The following ANXA4 variants were observed in gnomAD, a reference collection of about 807,000 sequenced individuals.
The protein encoded by ANXA4 is annexin A4.
ANXA4 carries 39 observed loss-of-function variants against 49.8 expected under a neutral mutation model. The ratio of observed to expected loss-of-function variants is 0.78; its 90% CI spans 0.61 to 1.02. ANXA4 has a LOEUF of 1.02. Among genes scored for constraint, ANXA4 ranks in the 50% least tolerant of loss-of-function variants. The pLI is 0.00. For synonymous variants in ANXA4, 134 were observed against 152.5 expected, an observed-to-expected ratio of 0.88 and a Z score of 0.89; for missense variants, 360 against 410.1, an observed-to-expected ratio of 0.88 and a Z score of 1.05.
chr2:69,681,690 G>A lies in ANXA4; in HGVS notation n.766+28408G>A, dbSNP rs532145713. ...CTTTTTCTTGGTTAGTCTAGCTAGC[G>A]ATTTATCAATTTTGCTTACTTTTTC... On this transcript the variant is annotated intron_variant and non_coding_transcript_variant, in intron 2 of 3. Transcript: ENST00000418066. 3.0e-4 allele frequency among the ~76,000 whole-genome samples: 46 copies of A among 152,090 alleles called. No homozygotes were observed. In the East Asian group the frequency reaches 7.2e-3, roughly 24 times the overall value.
At chr2:69,773,908 G>A (rs1671850583) in intron 1 of ANXA4, among the ~76,000 whole-genome samples, 1 of 151,840 alleles carries the variant, frequency 6.6e-6, no homozygotes, top group South Asian at 2.1e-4. Context: ...GGGATTACAG[G>A]CATGAGTCAC....
At chr2:69,814,743 G>GGTGTGTGTGTGTGTGTGTGT (rs754855168) in intron 8 of ANXA4, 1 of 123,636 alleles carries the variant, frequency 8.1e-6, no homozygotes, top group Non-Finnish European at 1.6e-5. Flanking sequence ...GACACAGAGG[G>GGTGTGTGTGTGTGTGTGTGT]GTGTGTGTGT....
rs5831985 is a variant in ANXA4, at chr2:69,826,780, T to TAAAAAA, written c.*1279_*1284dup. 8.1e-6 allele frequency: 1 copy of TAAAAAA among 123,202 alleles called. No individual in the cohort carries two copies. Among genetic ancestry groups the TAAAAAA allele is most frequent in the Non-Finnish European group, 1.7e-5 (1 of 57,420 alleles). The allele number at this position is 123,202 out of a possible 1,614,324, so 7.6% of individuals were successfully genotyped here. A position where few individuals can be genotyped will look rare whatever the true frequency, so the allele number is the denominator to read the frequency against. On this transcript the variant is annotated 3_prime_UTR_variant, in exon 13 of 13. Transcript: ENST00000394295. The stretch of plus-strand genomic sequence containing the variant: ...CTGGGCGACAGAGCGAGAATCCATC[T>TAAAAAA]AAAAAAAAAAAAAAAAAAAGTGTCT...
chr2:69,684,926 C>G (rs1432653279), intron 2 of ANXA4, among the ~76,000 whole-genome samples: 1 of 151,904 alleles, frequency 6.6e-6, no homozygotes, highest in Non-Finnish European at 1.5e-5. Context: ...GAGAAAGAGC[C>G]CAAAGCTGCT....
chr2:69,812,801 G>A lies in ANXA4; in HGVS notation c.534+92G>A, dbSNP rs1332762233. 2.7e-6 allele frequency: 3 copies of A among 1,095,960 alleles called. No homozygotes were observed. The East Asian group carries it at 7.1e-5, about 26-fold the overall frequency. The allele number at this position is 1,095,960 out of a possible 1,614,324, so 67.9% of individuals were successfully genotyped here. A position where few individuals can be genotyped will look rare whatever the true frequency, so the allele number is the denominator to read the frequency against. On this transcript the variant is annotated intron_variant, in intron 8 of 12. Transcript: ENST00000394295. ...GGTGGATAGCAACTTATATTACAGTGTATATTAGCCAGGCTTGGATATGTT... is the reference window on the plus strand; with the variant it reads ...GGTGGATAGCAACTTATATTACAGTATATATTAGCCAGGCTTGGATATGTT...
In ANXA4 at chr2:69,697,356, A is replaced by G. The variant is rs548253273; in HGVS notation, n.767-23418A>G. On this transcript the variant is annotated intron_variant and non_coding_transcript_variant, in intron 2 of 3. Coordinates refer to the ANXA4 transcript ENST00000418066. ...GTCTCCCAGCCTTCGCAGGATTGAA[A>G]AGAGTTTAGTGCCTTGTTCTAGGCT... Among the ~76,000 whole-genome samples, 46 of 152,330 alleles carry G rather than the reference A, an allele frequency of 3.0e-4. No homozygotes were observed. In the South Asian group the frequency reaches 8.1e-3, roughly 27 times the overall value.
chr2:69,807,510 C>T (rs556349128), intron 5 of ANXA4, among the ~76,000 whole-genome samples: 2 of 152,236 alleles, frequency 1.3e-5, no homozygotes, highest in South Asian at 2.1e-4. Flanking sequence ...CCTCCTCAAC[C>T]ATGTCAATAA....
intron 3 of ANXA4, among the ~76,000 whole-genome samples, chr2:69,723,126 G>A (rs1242947185): frequency 1.3e-5 from 2 of 150,772 alleles, no homozygotes; most frequent in South Asian, 2.1e-4. Flanking sequence ...GGGAGGTGGA[G>A]GTTGCAGTGA....
At chr2:69,733,795 G>A (rs140812736) in intron 3 of ANXA4, among the ~76,000 whole-genome samples, 3 of 152,136 alleles carry the variant, frequency 2.0e-5, no homozygotes, top group East Asian at 1.9e-4. Flanking sequence ...GCTTCATACT[G>A]TAAAACTTAA....
At chr2:69,822,172 C>A (rs776785901) in intron 12 of ANXA4, among the ~76,000 whole-genome samples, 1 of 151,910 alleles carries the variant, frequency 6.6e-6, no homozygotes, top group Non-Finnish European at 1.5e-5. Context: ...ACCAGCCTAG[C>A]CAACATAGTG....
rs186257928 is a variant in ANXA4 at position 69,681,410 on chromosome 2, G to A, written n.766+28128G>A. On this transcript the variant is annotated intron_variant and non_coding_transcript_variant, in intron 2 of 3. Transcript: ENST00000418066. ...AACAAGGTCTCACTCTGTTGCCCAG[G>A]CTGGAGTGCCGTGGTGCAATCTCAG... 1.3e-3 allele frequency among the ~76,000 whole-genome samples: 198 copies of A among 150,604 alleles called. 1 individual carries two copies. The highest frequency in any genetic ancestry group is 1.4e-3 in the Non-Finnish European group (98 of 67,840).
chr2:69,662,521 C>T (rs537863030), intron 2 of ANXA4, among the ~76,000 whole-genome samples: 1 of 152,222 alleles, frequency 6.6e-6, no homozygotes, highest in Admixed American at 6.5e-5. Context: ...GGCTACTGTA[C>T]TGAAATTGAA....
intron 1 of ANXA4, among the ~76,000 whole-genome samples, chr2:69,652,661 C>G (rs1676295026): frequency 1.3e-5 from 2 of 151,990 alleles, no homozygotes; most frequent in South Asian, 2.1e-4. Flanking sequence ...GCTTTCGAGA[C>G]CAGTCTGGCC....
intron 2 of ANXA4, among the ~76,000 whole-genome samples, chr2:69,688,220 C>T (rs574905266): frequency 6.6e-6 from 1 of 152,288 alleles, no homozygotes; most frequent in East Asian, 1.9e-4. Flanking sequence ...TTAAAAATTG[C>T]ATTATGGCAT....
chr2:69,745,959 A>G (rs958295414), intron 1 of ANXA4, among the ~76,000 whole-genome samples: 42 of 152,248 alleles, frequency 2.8e-4, no homozygotes, highest in African/African-American at 1.0e-3. Flanking sequence ...AACTCTAGGT[A>G]ATGTGGTAAA....
chr2:69,706,680 A>G (rs988501913), intron 2 of ANXA4, among the ~76,000 whole-genome samples: 1 of 152,158 alleles, frequency 6.6e-6, no homozygotes, highest in African/African-American at 2.4e-5. Context: ...TATTGCTGGT[A>G]TAGAACAATT....
upstream of ANXA4, among the ~76,000 whole-genome samples, chr2:69,737,058 C>CA (rs144171791): frequency 0.48 from 72,882 of 151,632 alleles, 17,968 homozygotes; most frequent in East Asian, 0.7. Flanking sequence ...TCACCTTGGC[C>CA]TCTCAGAGTG....
rs145424359 is a variant in ANXA4, at chr2:69,798,141, G to T, written c.98-6392G>T. Among the ~76,000 whole-genome samples the T allele has an allele frequency of 2.6e-3, 396 of 152,204 alleles. 1 individual carries two copies. Among genetic ancestry groups the T allele is most frequent in the African/African-American group, 8.8e-3 (366 of 41,528 alleles). ...CTAAGTGGACAGAGGGGCATTTACT[G>T]GGGGGAAAATAACCTCCCACCCAAC... On this transcript the variant is annotated intron_variant, in intron 3 of 12. Coordinates refer to ENST00000394295, the MANE Select transcript of ANXA4 (RefSeq NM_001153.5).
At position 69,812,654 on chromosome 2, in the gene ANXA4, G is replaced by A. The variant is rs765507345; in HGVS notation, c.479G>A (p.Gly160Asp). The change falls in exon 8 of 13, where the codon GGT becomes GAT. Residue 160 changes from glycine (G) to aspartate (D), a missense_variant and splice_region_variant. Transcript: ENST00000394295. Reference sequence around the variant, plus strand: ...TTTATTTGTTTTTCTCATCCTCAGGGTGGGAGGGATGAAGGAAATTATCTG... The same window carrying A: ...TTTATTTGTTTTTCTCATCCTCAGGATGGGAGGGATGAAGGAAATTATCTG... ...FQRVLVSLSAGGRDEGNYLDD... is the reference protein window; with the variant it reads ...FQRVLVSLSADGRDEGNYLDD... 21 of 1,613,412 alleles carry A rather than the reference G, an allele frequency of 1.3e-5. No individual in the cohort carries two copies. The highest frequency in any genetic ancestry group is 2.2e-5 in the East Asian group (1 of 44,878).
Sources: gnomAD v4.1 joint callset for allele counts (sites outside exome capture counted in the v4.1 genomes callset) on GRCh38, gnomAD v4.1.1 for gene constraint, MANE v1.5 for transcripts, NCBI Gene and HGNC (gene_info 2026-07-23, HGNC 2026-07-21) for gene names.